The following FSIP2 variants were observed in gnomAD, a reference collection of about 807,000 sequenced individuals.
FSIP2 encodes fibrous sheath interacting protein 2.
Under a neutral mutation model 510.5 loss-of-function variants are expected in FSIP2, and 367 were observed. The observed-to-expected ratio is 0.72, with a 90% CI of 0.66 to 0.78. The LOEUF (loss-of-function observed/expected upper bound fraction) is 0.78, where lower values mean the gene tolerates loss of function less well. FSIP2 is among the 30% of genes least tolerant of loss of function. The probability of loss-of-function intolerance (pLI) is 0.00; values close to 1 mark genes in which losing one functional copy is unlikely to be tolerated. For missense variants in FSIP2, 7,594 were observed against 7,901.7 expected, an observed-to-expected ratio of 0.96 and a Z score of 1.48; for synonymous variants, 2,601 against 2,732.2, an observed-to-expected ratio of 0.95 and a Z score of 1.50.
rs1693489690 is a variant in FSIP2, at chr2:185,803,526, T to C, written c.14220T>C (p.Asp4740=). The change falls in exon 17 of 23, where the codon GAT becomes GAC. Residue 4740 remains aspartate (D), a synonymous_variant. Transcript: ENST00000424728. The part of the protein sequence containing the change: ...ITNIILAEIF[D]FQIHPDLIAN... ...ATATCATCCTGGCTGAAATTTTTGA[T>C]TTCCAAATTCATCCAGATCTTATAG... 6.5e-7 allele frequency: 1 copy of C among 1,532,968 alleles called. No individual in the cohort carries two copies. Among genetic ancestry groups the C allele is most frequent in the Non-Finnish European group, 8.7e-7 (1 of 1,144,926 alleles). The allele number at this position is 1,532,968 out of a possible 1,614,324, so 95.0% of individuals were successfully genotyped here.
chr2:185,814,058 G>C lies in FSIP2; in HGVS notation c.20325+16G>C, dbSNP rs1693789252. 1 of 1,587,694 alleles carries C rather than the reference G, an allele frequency of 6.3e-7. No homozygotes were observed. The highest frequency in any genetic ancestry group is 1.4e-5 in the African/African-American group (1 of 73,972). On this transcript the variant is annotated intron_variant, in intron 18 of 22. Coordinates refer to ENST00000424728, the MANE Select transcript of FSIP2 (RefSeq NM_173651.4). ...CCAGTGTAAGGTAAGTGATAAGCAT[G>C]ACTGTTAGTGACTAGAAAGGGGAGA...
chr2:185,831,680 A>C, intron 21 of FSIP2, 133 bp from the exon 22 acceptor site: 2 of 644,126 alleles, frequency 3.1e-6, no homozygotes, highest in South Asian at 3.7e-5. Context: ...GAGACTGCAG[A>C]GCACAGATAT....
In FSIP2 at chr2:185,793,064, T is replaced by G; in HGVS notation, c.5928T>G (p.Phe1976Leu). 9 of 1,534,286 alleles carry G rather than the reference T, an allele frequency of 5.9e-6. No individual in the cohort carries two copies. Among genetic ancestry groups the G allele is most frequent in the Non-Finnish European group, 7.9e-6 (9 of 1,145,602 alleles). Reference protein sequence around the residue: ...SAKDSYSDEQFSCCSVDHTKS... With the variant: ...SAKDSYSDEQLSCCSVDHTKS... ...AAGATTCATATTCTGATGAGCAATT[T>G]TCCTGTTGCTCAGTAGATCATACCA... Residue 1976 changes from phenylalanine (F) to leucine (L), a missense_variant, in exon 16 of 23, where the codon TTT becomes TTG. Physicochemically the swap from Phe to Leu is conservative, Grantham distance 22. Transcript: ENST00000424728.
intron 13 of FSIP2, among the ~76,000 whole-genome samples, chr2:185,767,762 T>C (rs1235527805): frequency 6.6e-6 from 1 of 152,176 alleles, no homozygotes; most frequent in Non-Finnish European, 1.5e-5. Context: ...CCCTCATCTG[T>C]TGATGTACAT....
chr2:185,753,702 T>C lies in FSIP2; in HGVS notation c.871-20T>C. ...AATGGCAAGTTAATATTAACCAATA[T>C]ATTTTCTTTAATATTGTAGAAACAA... On this transcript the variant is annotated intron_variant, in intron 7 of 22. Transcript: ENST00000424728. 1 of 993,668 alleles carries C rather than the reference T, an allele frequency of 1.0e-6. No homozygotes were observed. Among genetic ancestry groups the C allele is most frequent in the Middle Eastern group, 2.3e-4 (1 of 4,266 alleles). The allele number at this position is 993,668 out of a possible 1,614,324, so 61.6% of individuals were successfully genotyped here. A position where few individuals can be genotyped will look rare whatever the true frequency, so the allele number is the denominator to read the frequency against.
chr2:185,761,227 A>G, intron 10 of FSIP2, 124 bp downstream of exon 10: 2 of 406,538 alleles, frequency 4.9e-6, no homozygotes, highest in Non-Finnish European at 8.7e-6. Context: ...AGTTTTATTC[A>G]TGAAACATGA....
At position 185,804,882 on chromosome 2, in the gene FSIP2, C is replaced by T. The variant is rs1449990521; in HGVS notation, c.15576C>T (p.Asp5192=). Reference sequence around the variant, plus strand: ...TAGAACCTATTGAAAATTTGGTCGACTCCATATGTAATAATATTTTGAAAA... The same window carrying T: ...TAGAACCTATTGAAAATTTGGTCGATTCCATATGTAATAATATTTTGAAAA... ...MQLEPIENLV[D]SICNNILKTS... Residue 5192 remains aspartate, a synonymous_variant, in exon 17 of 23, where the codon GAC becomes GAT. Transcript: ENST00000424728. 3 of 1,524,024 alleles carry T rather than the reference C, an allele frequency of 2.0e-6. No homozygotes were observed. The highest frequency in any genetic ancestry group is 4.1e-5 in the Admixed American group (2 of 48,724). The allele number at this position is 1,524,024 out of a possible 1,614,324, so 94.4% of individuals were successfully genotyped here.
In FSIP2 at chr2:185,790,068, A is replaced by G; in HGVS notation, c.2932A>G (p.Arg978Gly). Residue 978 changes from arginine to glycine, a missense_variant, in exon 16 of 23, where the codon AGA becomes GGA. Transcript: ENST00000424728. Reference protein sequence around the residue: ...TKEKYRLTGTRLSNSPRSGRP... With the variant: ...TKEKYRLTGTGLSNSPRSGRP... ...AGAAAAGTACAGACTCACTGGCACT[A>G]GATTATCAAATAGTCCTAGGTCTGG... is the stretch of plus-strand genomic sequence containing the variant. 2 of 1,533,750 alleles carry G rather than the reference A, an allele frequency of 1.3e-6. No individual in the cohort carries two copies. The highest frequency in any genetic ancestry group is 1.4e-5 in the African/African-American group (1 of 72,998).
chr2:185,832,971 A>G (rs937729676), intron 22 of FSIP2, 119 bp from the exon 23 acceptor site: 1 of 755,474 alleles, frequency 1.3e-6, no homozygotes, highest in Admixed American at 2.5e-5. Context: ...CATGAGAGTC[A>G]GAAAGTCTGG....
At chr2:185,831,243 C>G (rs1046158393) in intron 21 of FSIP2, among the ~76,000 whole-genome samples, 3 of 151,856 alleles carry the variant, frequency 2.0e-5, no homozygotes, top group African/African-American at 7.2e-5. Flanking sequence ...GCCCCAACAC[C>G]TGTCCCAGGC....
chr2:185,769,399 T>A (rs956641511), intron 13 of FSIP2, among the ~76,000 whole-genome samples: 6 of 152,256 alleles, frequency 3.9e-5, no homozygotes, highest in Non-Finnish European at 5.9e-5. Context: ...TGGGCTTTTT[T>A]AAATATGCTG....
In FSIP2 at chr2:185,828,216, A is replaced by C; in HGVS notation, c.20517+17A>C. The C allele has an allele frequency of 6.9e-7, 1 of 1,440,584 alleles. No homozygotes were observed. Among genetic ancestry groups the C allele is most frequent in the Non-Finnish European group, 9.8e-7 (1 of 1,024,960 alleles). 89.2% of individuals were successfully genotyped at this position (1,440,584 alleles called of 1,614,324 possible). A position where few individuals can be genotyped will look rare whatever the true frequency, so the allele number is the denominator to read the frequency against. On this transcript the variant is annotated intron_variant, in intron 21 of 22. Coordinates refer to ENST00000424728, the MANE Select transcript of FSIP2 (RefSeq NM_173651.4). ...AGTGTTAAGGTAAGTATTTTTAACT[A>C]GCCTTAGTTGATATATATTAGGAGC...
chr2:185,760,542 A>T (rs1177645255), intron 9 of FSIP2, among the ~76,000 whole-genome samples: 4 of 148,506 alleles, frequency 2.7e-5, no homozygotes, highest in Admixed American at 2.7e-4. Flanking sequence ...CTAAATAAAT[A>T]TTTATTTATA....
chr2:185,753,807 A>G lies in FSIP2; in HGVS notation c.956A>G (p.Asn319Ser), dbSNP rs886858240. 6.7e-7 allele frequency: 1 copy of G among 1,489,828 alleles called. No homozygotes were observed. The highest frequency in any genetic ancestry group is 2.2e-5 in the Admixed American group (1 of 45,176). The allele number at this position is 1,489,828 out of a possible 1,614,324, so 92.3% of individuals were successfully genotyped here. The change falls in exon 8 of 23, where the codon AAT becomes AGT. Residue 319 changes from asparagine to serine, a missense_variant. Asn to Ser is a conservative substitution (Grantham distance 46). Transcript: ENST00000424728. ...TGFNGEDIGK[N>S]TFKYRGQDGT... ...TTTAACGGAGAAGATATAGGAAAAA[A>G]TACATTTAAATACAGAGGTCAAGAT...
At chr2:185,767,557 G>T (rs1461094178) in intron 13 of FSIP2, among the ~76,000 whole-genome samples, 1 of 151,812 alleles carries the variant, frequency 6.6e-6, no homozygotes, top group Non-Finnish European at 1.5e-5. Flanking sequence ...TCTGCATTTA[G>T]CTTATTACAC....
chr2:185,822,458 C>T (rs1383316497), intron 19 of FSIP2, among the ~76,000 whole-genome samples: 8 of 151,978 alleles, frequency 5.3e-5, no homozygotes, highest in African/African-American at 9.6e-5. Flanking sequence ...AATCCACTTA[C>T]ATTAATAACA....
Position 185,807,139 on chromosome 2 carries a change from T to C in FSIP2, c.17833T>C (p.Leu5945=), listed in dbSNP as rs570224259. The part of the protein sequence containing the change: ...WKNINSNGEN[L]ARRLTSAVIN... ...GAATATAAACAGTAATGGAGAAAATTTAGCAAGAAGACTAACTAGTGCAGT... is the reference window on the plus strand; with the variant it reads ...GAATATAAACAGTAATGGAGAAAATCTAGCAAGAAGACTAACTAGTGCAGT... The change falls in exon 17 of 23, where the codon TTA becomes CTA. Residue 5945 remains leucine (L), a synonymous_variant. Coordinates refer to ENST00000424728, the MANE Select transcript of FSIP2 (RefSeq NM_173651.4). 4.3e-5 allele frequency: 69 copies of C among 1,601,754 alleles called. No individual in the cohort carries two copies. In the South Asian group the frequency reaches 7.3e-4, roughly 17 times the overall value.
At chr2:185,762,766 CCT>C (rs1379603718) in intron 11 of FSIP2, among the ~76,000 whole-genome samples, 1 of 151,480 alleles carries the variant, frequency 6.6e-6, no homozygotes, top group African/African-American at 2.4e-5. Flanking sequence ...ATTTCATCTT[CCT>C]CTTTTTAACC....
intron 19 of FSIP2, among the ~76,000 whole-genome samples, chr2:185,821,699 A>C (rs1324647350): frequency 6.6e-6 from 1 of 151,750 alleles, no homozygotes; most frequent in Non-Finnish European, 1.5e-5. Context: ...TAAGATGGGC[A>C]GACTTCTCAA....
Sources: allele counts gnomAD v4.1 joint callset (sites outside exome capture counted in the v4.1 genomes callset), GRCh38; gene constraint gnomAD v4.1.1; transcripts MANE v1.5; gene names NCBI Gene and HGNC (gene_info 2026-07-23, HGNC 2026-07-21).